Variants in XNDC1N observed in about 807,000 individuals in gnomAD.
XNDC1N encodes the protein XRCC1 N-terminal domain containing 1, N-terminal like, also known as protein XNDC1N.
the XNDC1N span, among the ~76,000 whole-genome samples, chr11:71,884,090 C>T: frequency 1.3e-5 from 2 of 152,152 alleles, no homozygotes; most frequent in Non-Finnish European, 2.9e-5. Context: ...AGAAATTAAA[C>T]ATTATTTCCT....
the XNDC1N span, among the ~76,000 whole-genome samples, chr11:71,868,293 T>C: frequency 6.6e-6 from 1 of 152,248 alleles, no homozygotes; most frequent in East Asian, 1.9e-4. Flanking sequence ...TCAAGGTTAA[T>C]ATTGCTATGT....
chr11:71,889,759 G>T, the XNDC1N span, among the ~76,000 whole-genome samples: 1 of 152,166 alleles, frequency 6.6e-6, no homozygotes, highest in Non-Finnish European at 1.5e-5. Context: ...AGCTTCTGGA[G>T]CAGCCCCCTT....
At chr11:71,867,818 T>A in the XNDC1N span, among the ~76,000 whole-genome samples, 1 of 152,200 alleles carries the variant, frequency 6.6e-6, no homozygotes, top group Non-Finnish European at 1.5e-5. Flanking sequence ...GGTCAAGTGT[T>A]GAGTTAGGGC....
chr11:71,873,634 C>T, the XNDC1N span, among the ~76,000 whole-genome samples: 1 of 151,924 alleles, frequency 6.6e-6, no homozygotes, highest in East Asian at 1.9e-4. Flanking sequence ...ATAGTAAAAA[C>T]AGAGGCTATG....
chr11:71,906,364 C>A, the XNDC1N span, among the ~76,000 whole-genome samples: 1 of 152,006 alleles, frequency 6.6e-6, no homozygotes, highest in East Asian at 1.9e-4. Context: ...AATAATATCA[C>A]AATGCCTACA....
chr11:71,889,954 G>A, the XNDC1N span, among the ~76,000 whole-genome samples: 101 of 152,258 alleles, frequency 6.6e-4, no homozygotes, highest in African/African-American at 2.2e-3. Flanking sequence ...TTTAGGGATC[G>A]GCTCAGACAA....
the XNDC1N span, chr11:71,917,507 T>C: frequency 2.9e-6 from 2 of 696,492 alleles, no homozygotes; most frequent in African/African-American, 3.5e-5. Context: ...ATTAAACCCC[T>C]GCACAGGCTC....
chr11:71,907,161 A>G, the XNDC1N span, among the ~76,000 whole-genome samples: 1 of 151,902 alleles, frequency 6.6e-6, no homozygotes, highest in Non-Finnish European at 1.5e-5. Context: ...GTTTCACCAC[A>G]TTATCACGAA....
the XNDC1N span, among the ~76,000 whole-genome samples, chr11:71,899,476 AGAT>A: frequency 2.0e-5 from 3 of 152,228 alleles, no homozygotes; most frequent in African/African-American, 7.2e-5. Context: ...TGCTTTGCTG[AGAT>A]GTTGTTAATG....
At chr11:71,877,933 G>T in the XNDC1N span, among the ~76,000 whole-genome samples, 1 of 152,086 alleles carries the variant, frequency 6.6e-6, no homozygotes, top group East Asian at 1.9e-4. Flanking sequence ...ATAAAAATTA[G>T]TTTATCTCAT....
chr11:71,893,957 T>A, the XNDC1N span: 10 of 1,104,994 alleles, frequency 9.0e-6, no homozygotes, highest in Middle Eastern at 2.3e-4. Context: ...AGTTGGATTG[T>A]GTTACAATTC....
the XNDC1N span, chr11:71,878,546 A>T: frequency 1.3e-6 from 2 of 1,594,934 alleles, no homozygotes; most frequent in South Asian, 2.3e-5. Context: ...AAGTTCTAAA[A>T]ATATAAGTAA....
the XNDC1N span, among the ~76,000 whole-genome samples, chr11:71,875,917 A>G: frequency 6.6e-6 from 1 of 152,086 alleles, no homozygotes; most frequent in African/African-American, 2.4e-5. Context: ...TCCCAGCTAC[A>G]TGGGAGGTTG....
chr11:71,890,065 G>C, the XNDC1N span, among the ~76,000 whole-genome samples: 2 of 152,178 alleles, frequency 1.3e-5, no homozygotes, highest in African/African-American at 4.8e-5. Context: ...TTCCGGAAAG[G>C]TGGAGTGGAT....
the XNDC1N span, among the ~76,000 whole-genome samples, chr11:71,879,777 G>A: frequency 6.6e-6 from 1 of 152,076 alleles, no homozygotes; most frequent in Non-Finnish European, 1.5e-5. Flanking sequence ...AGCAACCACT[G>A]ATCTAATTTT....
chr11:71,875,020 A>G, the XNDC1N span, among the ~76,000 whole-genome samples: 3 of 152,174 alleles, frequency 2.0e-5, no homozygotes, highest in Non-Finnish European at 4.4e-5. Context: ...CAGGAGACCT[A>G]GCCAGAAATT....
chr11:71,895,434 C>T, the XNDC1N span, among the ~76,000 whole-genome samples: 1 of 151,406 alleles, frequency 6.6e-6, no homozygotes, highest in Non-Finnish European at 1.5e-5. Context: ...CTCAGCCTTC[C>T]AAGTAGCTGG....
the XNDC1N span, among the ~76,000 whole-genome samples, chr11:71,875,064 A>G: frequency 2.6e-5 from 4 of 152,202 alleles, no homozygotes; most frequent in East Asian, 7.7e-4. Flanking sequence ...CCCTGGGACA[A>G]TCTCATAACA....
the XNDC1N span, among the ~76,000 whole-genome samples, chr11:71,920,187 T>G: frequency 6.6e-6 from 1 of 151,084 alleles, no homozygotes. Context: ...CTGGATCTCC[T>G]GACCTCGTGA....
Sources: gnomAD v4.1 joint callset for allele counts (sites outside exome capture counted in the v4.1 genomes callset) on GRCh38, gnomAD v4.1.1 for gene constraint, MANE v1.5 for transcripts, NCBI Gene and HGNC (gene_info 2026-07-23, HGNC 2026-07-21) for gene names.